Variants in TOPBP1 observed in about 807,000 individuals in gnomAD.
TOPBP1 encodes DNA topoisomerase 2-binding protein 1.
A neutral mutation model predicts 167.7 loss-of-function variants in TOPBP1; 28 were observed. The ratio of observed to expected loss-of-function variants is 0.17; its 90% CI spans 0.12 to 0.23. The LOEUF (loss-of-function observed/expected upper bound fraction) is 0.23, where lower values mean the gene tolerates loss of function less well. TOPBP1 is among the 10% of genes least tolerant of loss of function. The pLI is 1.00. For missense variants in TOPBP1, 1,554 were observed against 1,809.6 expected (o/e 0.86, Z 2.56); for synonymous variants, 598 against 611.4 (o/e 0.98, Z 0.32).
chr3:133,657,393 T>C (rs866707652), intron 4 of TOPBP1, among the ~76,000 whole-genome samples: 4,305 of 150,666 alleles, frequency 0.029, 119 homozygotes, highest in African/African-American at 0.068. Context: ...TTTTTTTTTT[T>C]TTTTCCAAAA....
At chr3:133,646,570 GA>G (rs1936082691) in intron 10 of TOPBP1, among the ~76,000 whole-genome samples, 1 of 151,234 alleles carries the variant, frequency 6.6e-6, no homozygotes, top group African/African-American at 2.4e-5. Flanking sequence ...AGAATTGCGT[GA>G]ACTCGGGAGG....
At chr3:133,625,235 G>T (rs1489210368) in intron 16 of TOPBP1, among the ~76,000 whole-genome samples, 1 of 152,164 alleles carries the variant, frequency 6.6e-6, no homozygotes, top group Non-Finnish European at 1.5e-5. Context: ...AAAGTGCTGG[G>T]ATTACACGCA....
Position 133,640,660 on chromosome 3 carries a change from C to T in TOPBP1, c.2022-490G>A, listed in dbSNP as rs371693436. On this transcript the variant is annotated intron_variant, in intron 12 of 27. Transcript: ENST00000260810. Reference sequence around the variant, plus strand: ...TCCTGAGCTCAAGTGATCCTCCTGCCTCAGCCTCCTAAAGTTGGGATTACA... The same window carrying T: ...TCCTGAGCTCAAGTGATCCTCCTGCTTCAGCCTCCTAAAGTTGGGATTACA... 3.3e-3 allele frequency among the ~76,000 whole-genome samples: 503 copies of T among 152,290 alleles called. 6 individuals carry two copies. The highest frequency in any genetic ancestry group is 0.031 in the South Asian group (152 of 4,826).
chr3:133,615,390 T>A (rs533335766), intron 23 of TOPBP1, among the ~76,000 whole-genome samples: 1 of 152,292 alleles, frequency 6.6e-6, no homozygotes, highest in East Asian at 1.9e-4. Context: ...GGCAGAAGAA[T>A]TGCTTGAGCC....
chr3:133,631,480 A>AT (rs933144273), intron 14 of TOPBP1, among the ~76,000 whole-genome samples: 1 of 151,726 alleles, frequency 6.6e-6, no homozygotes, highest in African/African-American at 2.4e-5. Context: ...TTCTGCTTGC[A>AT]TTTTTTTCTA....
intron 12 of TOPBP1, among the ~76,000 whole-genome samples, chr3:133,642,963 T>C (rs1436997133): frequency 6.6e-6 from 1 of 152,184 alleles, no homozygotes; most frequent in Non-Finnish European, 1.5e-5. Context: ...TTTCATGTGT[T>C]TGGACCCACT....
At chr3:133,632,518 T>C (rs1311412819) in intron 14 of TOPBP1, among the ~76,000 whole-genome samples, 1 of 152,226 alleles carries the variant, frequency 6.6e-6, no homozygotes, top group Non-Finnish European at 1.5e-5. Flanking sequence ...TAAATCTATT[T>C]TGCAAGAACA....
chr3:133,623,586 A>T, intron 17 of TOPBP1, 129 bp from the exon 18 acceptor site: 2 of 1,111,764 alleles, frequency 1.8e-6, no homozygotes, highest in Non-Finnish European at 2.4e-6. Context: ...CTGGTTTGAA[A>T]AGTAGTTTAC....
rs1347293135 is a variant in TOPBP1, at chr3:133,644,386, T to C, written c.1505-23A>G. 3.3e-6 allele frequency: 5 copies of C among 1,524,942 alleles called. No homozygotes were observed. In the African/African-American group the frequency reaches 4.2e-5, roughly 13 times the overall value. 94.5% of individuals were successfully genotyped at this position (1,524,942 alleles called of 1,614,324 possible). On this transcript the variant is annotated intron_variant, in intron 10 of 27. Transcript: ENST00000260810. ...CAACTGAAAGAGAAAAGTAAATGTT[T>C]TCTAACCAACAATTTACCTTATACA...
intron 4 of TOPBP1, among the ~76,000 whole-genome samples, chr3:133,657,521 T>C (rs1936520294): frequency 1.3e-5 from 2 of 151,978 alleles, no homozygotes; most frequent in African/African-American, 2.4e-5. Context: ...TGTCCACCTA[T>C]AGTGGAAAAA....
chr3:133,603,463 T>C (rs1338710613), intron 27 of TOPBP1, among the ~76,000 whole-genome samples: 4 of 151,964 alleles, frequency 2.6e-5, no homozygotes, highest in Non-Finnish European at 5.9e-5. Context: ...CTATATCCTA[T>C]CTACAAGAAA....
At chr3:133,623,045 C>G (rs2107787426) in intron 19 of TOPBP1, 46 bp downstream of exon 19, 1 of 1,236,944 alleles carries the variant, frequency 8.1e-7, no homozygotes, top group Middle Eastern at 2.8e-4. Flanking sequence ...AAATTGAGAC[C>G]TTGTCTCAAA....
intron 23 of TOPBP1, among the ~76,000 whole-genome samples, chr3:133,614,907 C>T (rs144470461): frequency 6.6e-6 from 1 of 151,856 alleles, no homozygotes; most frequent in Non-Finnish European, 1.5e-5. Context: ...AGCACACCAA[C>T]ATGGCACATG....
rs1377878129 is a variant in TOPBP1 at position 133,656,786 on chromosome 3, G to A, written c.435C>T (p.His145=). The change falls in exon 5 of 28, where the codon CAC becomes CAT. Residue 145 remains histidine, a synonymous_variant. Transcript: ENST00000260810. ...VYRDLNVSVT[H]LIAGEVGSKK... is the part of the protein sequence containing the mutation. ...TGCTACCAACTTCTCCTGCAATAAG[G>A]TGAGTTACTGATACATTAAGGTCTC... is the stretch of plus-strand genomic sequence containing the variant. 2 of 1,612,862 alleles carry A rather than the reference G, an allele frequency of 1.2e-6. No individual in the cohort carries two copies. The highest frequency in any genetic ancestry group is 1.7e-6 in the Non-Finnish European group (2 of 1,179,578).
At chr3:133,631,975 C>T (rs748442852) in intron 14 of TOPBP1, among the ~76,000 whole-genome samples, 7 of 152,048 alleles carry the variant, frequency 4.6e-5, no homozygotes, top group African/African-American at 9.7e-5. Context: ...CATCTCCCCC[C>T]GCTATCTTTT....
chr3:133,617,644 AGAGCAATTCTACACTTG>A (rs1934945530), intron 21 of TOPBP1: 1 of 198,750 alleles, frequency 5.0e-6, no homozygotes, highest in African/African-American at 2.3e-5. Context: ...TTGTAACATG[AGAGCAATTCTACACTTG>A]GAGAAAAGCA....
intron 10 of TOPBP1, among the ~76,000 whole-genome samples, chr3:133,648,120 G>A (rs1163193367): frequency 3.9e-5 from 6 of 152,180 alleles, no homozygotes; most frequent in Admixed American, 2.6e-4. Context: ...CAGATTATCT[G>A]TAAAGGAATG....
intron 14 of TOPBP1, among the ~76,000 whole-genome samples, chr3:133,633,749 C>T (rs887234644): frequency 6.6e-6 from 1 of 152,202 alleles, no homozygotes; most frequent in Non-Finnish European, 1.5e-5. Context: ...TGTGATCATG[C>T]CACTACACTC....
intron 14 of TOPBP1, among the ~76,000 whole-genome samples, chr3:133,633,973 G>C (rs1240277500): frequency 6.6e-6 from 1 of 152,212 alleles, no homozygotes; most frequent in African/African-American, 2.4e-5. Flanking sequence ...CAACTACTTG[G>C]ATATCTAATA....
Sources: allele counts gnomAD v4.1 joint callset (sites outside exome capture counted in the v4.1 genomes callset), GRCh38; gene constraint gnomAD v4.1.1; transcripts MANE v1.5; gene names NCBI Gene and HGNC (gene_info 2026-07-23, HGNC 2026-07-21).